Variants in ABCB4 observed in about 807,000 individuals in gnomAD.
The protein encoded by ABCB4 is phosphatidylcholine translocator ABCB4.
ABCB4 carries 76 observed loss-of-function variants against 145.7 expected under a neutral mutation model. That is an observed-to-expected ratio of 0.52 (90% confidence interval 0.43 to 0.63). ABCB4 has a LOEUF of 0.63. Among genes scored for constraint, ABCB4 ranks in the 30% least tolerant of loss-of-function variants. The pLI is 0.00. For missense variants in ABCB4, 1,234 were observed against 1,553.1 expected (o/e 0.79, Z 3.45); for synonymous variants, 517 against 566.8 (o/e 0.91, Z 1.25).
chr7:87,443,234 G>A lies in ABCB4; in HGVS notation c.1356+85C>T, dbSNP rs1584746946. 12 of 1,559,090 alleles carry A rather than the reference G, an allele frequency of 7.7e-6. No individual in the cohort carries two copies. The East Asian group carries it at 1.6e-4, about 20-fold the overall frequency. On this transcript the variant is annotated intron_variant, in intron 12 of 27. Transcript: ENST00000649586. ...CTTTTTACCAAAACTGGATTCACACGCAAATTTGTTACTGAAAAACCAATT... is the reference window on the plus strand; with the variant it reads ...CTTTTTACCAAAACTGGATTCACACACAAATTTGTTACTGAAAAACCAATT...
intron 3 of ABCB4, among the ~76,000 whole-genome samples, chr7:87,467,540 T>G (rs1285021785): frequency 6.6e-6 from 1 of 152,112 alleles, no homozygotes; most frequent in African/African-American, 2.4e-5. Flanking sequence ...CTGCACCAAG[T>G]GGACCTAATA....
the ABCB4 span, chr7:87,375,544 A>G: frequency 1.2e-6 from 1 of 850,982 alleles, no homozygotes; most frequent in East Asian, 2.4e-5. Flanking sequence ...AAACATTTAA[A>G]TATTGATCAA....
the ABCB4 span, among the ~76,000 whole-genome samples, chr7:87,376,811 A>G: frequency 6.6e-6 from 1 of 152,140 alleles, no homozygotes; most frequent in Non-Finnish European, 1.5e-5. Context: ...AGTTTCACAG[A>G]GCACTAATTA....
chr7:87,416,380 A>G (rs1440540408), intron 21 of ABCB4, among the ~76,000 whole-genome samples: 1 of 152,204 alleles, frequency 6.6e-6, no homozygotes, highest in Non-Finnish European at 1.5e-5. Context: ...TCTCATAACT[A>G]GTTAAGGTCA....
intron 18 of ABCB4, among the ~76,000 whole-genome samples, chr7:87,421,242 T>C (rs1183268639): frequency 6.6e-6 from 1 of 152,098 alleles, no homozygotes; most frequent in Admixed American, 6.6e-5. Flanking sequence ...ATCAGAACTG[T>C]TTACTAAGCC....
At chr7:87,449,048 C>G (rs145783316) in intron 8 of ABCB4, among the ~76,000 whole-genome samples, 1 of 152,310 alleles carries the variant, frequency 6.6e-6, no homozygotes, top group East Asian at 1.9e-4. Context: ...TATCCCCAAA[C>G]TCATTGAGAT....
chr7:87,439,505 C>T (rs1350100372), intron 14 of ABCB4, among the ~76,000 whole-genome samples, 162 bp downstream of exon 14: 1 of 152,168 alleles, frequency 6.6e-6, no homozygotes, highest in Non-Finnish European at 1.5e-5. Flanking sequence ...TCACCTGTCT[C>T]TGAAGACAAT....
chr7:87,366,474 A>T, the ABCB4 span, among the ~76,000 whole-genome samples: 1 of 152,034 alleles, frequency 6.6e-6, no homozygotes, highest in Non-Finnish European at 1.5e-5. Context: ...TCTTTCCATT[A>T]CTACCTCAGT....
At chr7:87,403,537 A>G (rs905139846) in intron 26 of ABCB4, among the ~76,000 whole-genome samples, 2 of 152,232 alleles carry the variant, frequency 1.3e-5, no homozygotes, top group Non-Finnish European at 2.9e-5. Context: ...GCTATAACGG[A>G]TATATGAATC....
At chr7:87,465,538 G>T (rs1015912137) in intron 3 of ABCB4, among the ~76,000 whole-genome samples, 4 of 152,182 alleles carry the variant, frequency 2.6e-5, no homozygotes, top group Admixed American at 1.3e-4. Context: ...TGTCTGACAG[G>T]TTTCAAGAGA....
chr7:87,436,525 A>T (rs1810620453), intron 14 of ABCB4, among the ~76,000 whole-genome samples: 1 of 152,230 alleles, frequency 6.6e-6, no homozygotes, highest in Admixed American at 6.5e-5. Flanking sequence ...ACTGAAAAAA[A>T]TACAAAATGA....
chr7:87,375,858 G>A, the ABCB4 span: 1 of 1,613,570 alleles, frequency 6.2e-7, no homozygotes, highest in Non-Finnish European at 8.5e-7. Flanking sequence ...TCTTGATCCA[G>A]AGAACTTGGC....
chr7:87,378,314 T>A, the ABCB4 span, among the ~76,000 whole-genome samples: 1 of 138,934 alleles, frequency 7.2e-6, no homozygotes, highest in Non-Finnish European at 1.5e-5. Context: ...CCAGTGCACT[T>A]CAGCCTGGGA....
intron 16 of ABCB4, 139 bp from the exon 17 acceptor site, chr7:87,424,191 T>A: frequency 1.1e-6 from 1 of 950,990 alleles, no homozygotes; most frequent in Non-Finnish European, 1.7e-6. Context: ...TACTAGAGAG[T>A]AGGACAGTAT....
In ABCB4 at chr7:87,431,519, G is replaced by A. The variant is rs571555115; in HGVS notation, c.1778C>T (p.Thr593Met). 44 of 1,614,074 alleles carry A rather than the reference G, an allele frequency of 2.7e-5. No individual in the cohort carries two copies. The highest frequency in any genetic ancestry group is 1.6e-4 in the Middle Eastern group (1 of 6,062). ...TTIVIAHRLS[T>M]VRNADVIAGF... Reference sequence around the variant, plus strand: ...AGCGATGACATCTGCATTTCGGACCGTAGACAGTCGGTGTGCTATCACAAT... The same window carrying A: ...AGCGATGACATCTGCATTTCGGACCATAGACAGTCGGTGTGCTATCACAAT... Residue 593 changes from threonine to methionine, a missense_variant, in exon 15 of 28, where the codon ACG becomes ATG. Physicochemically the swap from Thr to Met is moderately conservative, Grantham distance 81 (BLOSUM62 -1). This residue lies in a region of ABCB4 where 321 missense variants were observed against 332.6 expected (regional missense o/e 0.97). Transcript: ENST00000649586.
chr7:87,383,360 G>GTATT, the ABCB4 span, among the ~76,000 whole-genome samples: 1 of 151,990 alleles, frequency 6.6e-6, no homozygotes, highest in Non-Finnish European at 1.5e-5. Context: ...AGAACCTGCA[G>GTATT]TATTTGTCTT....
rs979633699 is a variant in ABCB4, at chr7:87,474,021, A to T, written c.81-1346T>A. Among the ~76,000 whole-genome samples the T allele has an allele frequency of 2.0e-5, 3 of 152,320 alleles. No homozygotes were observed. In the East Asian group the frequency reaches 5.8e-4, roughly 29 times the overall value. On this transcript the variant is annotated intron_variant, in intron 2 of 27. Transcript: ENST00000649586. ...CTTTTATAAAAATTAGTTTCACTACATTTGATTTCATAATCATGTGGTCTT... is the reference window on the plus strand; with the variant it reads ...CTTTTATAAAAATTAGTTTCACTACTTTTGATTTCATAATCATGTGGTCTT...
intron 9 of ABCB4, among the ~76,000 whole-genome samples, chr7:87,446,617 T>C (rs969431859): frequency 2.6e-5 from 4 of 152,242 alleles, no homozygotes; most frequent in Non-Finnish European, 4.4e-5. Context: ...ACATCTCTTC[T>C]TGTATTTCAG....
chr7:87,434,379 A>G (rs538658281), intron 14 of ABCB4, among the ~76,000 whole-genome samples: 5 of 152,244 alleles, frequency 3.3e-5, no homozygotes, highest in African/African-American at 1.2e-4. Flanking sequence ...AAGATCTTAT[A>G]TTTAATAGCA....
Sources: gnomAD v4.1 joint callset for allele counts (sites outside exome capture counted in the v4.1 genomes callset) on GRCh38, gnomAD v4.1.1 for gene constraint, gnomAD v4.1.1 regional missense constraint, MANE v1.5 for transcripts, NCBI Gene and HGNC (gene_info 2026-07-23, HGNC 2026-07-21) for gene names.